The following KCNK2 variants were observed in gnomAD, a reference collection of about 807,000 sequenced individuals.
The protein encoded by KCNK2 is potassium two pore domain channel subfamily K member 2, also known as potassium channel subfamily K member 2.
In KCNK2, 21 loss-of-function variants were observed where a neutral mutation model predicts 40.5. The observed-to-expected ratio is 0.52, with a 90% CI of 0.37 to 0.75. KCNK2 has a LOEUF of 0.75. Ranked by LOEUF, KCNK2 falls within the 30% of genes least tolerant of loss-of-function variation. The pLI is 0.00. For missense variants in KCNK2, 399 were observed against 531.6 expected (o/e 0.75, Z 2.45); for synonymous variants, 191 against 202.2 (o/e 0.94, Z 0.47).
intron 2 of KCNK2, among the ~76,000 whole-genome samples, chr1:215,110,602 T>C (rs1660640047): frequency 6.6e-6 from 1 of 152,156 alleles, no homozygotes. Context: ...ATCACATGGT[T>C]TCGACATTTA....
intron 1 of KCNK2, among the ~76,000 whole-genome samples, chr1:215,053,712 A>T (rs957173010): frequency 1.3e-5 from 2 of 152,194 alleles, no homozygotes; most frequent in Non-Finnish European, 2.9e-5. Context: ...GATATTCTTG[A>T]ACTCAGTACA....
intron 1 of KCNK2, among the ~76,000 whole-genome samples, chr1:215,006,657 C>G (rs947805464): frequency 6.6e-6 from 1 of 151,982 alleles, no homozygotes; most frequent in Non-Finnish European, 1.5e-5. Flanking sequence ...TTAAATGTAG[C>G]AAAGTCCATC....
chr1:215,204,022 A>G (rs1489515509), intron 6 of KCNK2, among the ~76,000 whole-genome samples: 2 of 114,618 alleles, frequency 1.7e-5, no homozygotes, highest in Admixed American at 2.7e-4. Flanking sequence ...TGGGCGATAG[A>G]GCGAGACTCC....
intron 2 of KCNK2, among the ~76,000 whole-genome samples, chr1:215,117,974 G>A (rs1661022324): frequency 6.6e-6 from 1 of 152,028 alleles, no homozygotes; most frequent in South Asian, 2.1e-4. Context: ...TTGTGTAAAT[G>A]ATGTCCATAA....
At chr1:215,063,833 T>C (rs971895805) in intron 1 of KCNK2, among the ~76,000 whole-genome samples, 1 of 151,944 alleles carries the variant, frequency 6.6e-6, no homozygotes, top group Non-Finnish European at 1.5e-5. Flanking sequence ...GGGTGCCAAA[T>C]GGAAATGGAG....
intron 1 of KCNK2, among the ~76,000 whole-genome samples, chr1:215,076,172 T>C (rs1432908376): frequency 6.6e-6 from 1 of 152,242 alleles, no homozygotes; most frequent in African/African-American, 2.4e-5. Context: ...AATGAATAAA[T>C]TTTGGCCTTT....
At chr1:215,153,567 TA>T (rs1180680585) in intron 3 of KCNK2, among the ~76,000 whole-genome samples, 7 of 16,712 alleles carry the variant, frequency 4.2e-4, no homozygotes, top group African/African-American at 1.2e-3. Flanking sequence ...AGCGTTGTTA[TA>T]TATATATATA....
At chr1:215,079,577 G>A (rs1034573019), upstream of KCNK2, among the ~76,000 whole-genome samples, 8 of 152,174 alleles carry the variant, frequency 5.3e-5, no homozygotes, top group African/African-American at 1.7e-4. Context: ...CAAGGGGAAC[G>A]TCTGGCCCCA....
At chr1:215,192,057 G>A (rs1294721948) in intron 5 of KCNK2, among the ~76,000 whole-genome samples, 2 of 152,024 alleles carry the variant, frequency 1.3e-5, no homozygotes, top group African/African-American at 4.8e-5. Context: ...AAGTCAAGAA[G>A]TTTTTTAAAA....
intron 1 of KCNK2, among the ~76,000 whole-genome samples, chr1:215,047,171 A>G (rs1464864966): frequency 6.6e-6 from 1 of 152,128 alleles, no homozygotes; most frequent in Non-Finnish European, 1.5e-5. Flanking sequence ...GAAAAGATTT[A>G]ACACAGAAAA....
chr1:215,011,839 C>T (rs994359367), intron 1 of KCNK2, among the ~76,000 whole-genome samples: 20 of 141,336 alleles, frequency 1.4e-4, no homozygotes, highest in Non-Finnish European at 2.9e-4. Flanking sequence ...ATCTCCTGAC[C>T]TCGTGATCCA....
intron 2 of KCNK2, among the ~76,000 whole-genome samples, chr1:215,095,353 G>A (rs1017748163): frequency 1.3e-5 from 2 of 152,044 alleles, no homozygotes; most frequent in Admixed American, 1.3e-4. Context: ...CACATGTCTA[G>A]CAATAATAGA....
intron 1 of KCNK2, among the ~76,000 whole-genome samples, chr1:215,027,067 A>G (rs1056686327): frequency 1.3e-5 from 2 of 152,078 alleles, no homozygotes; most frequent in African/African-American, 4.8e-5. Flanking sequence ...CTAGGAAGGA[A>G]AAATTTATTA....
rs865810514 is a variant in KCNK2, at chr1:215,094,047, C to T, written c.357+7369C>T. 2.7e-5 allele frequency among the ~76,000 whole-genome samples: 4 copies of T among 146,246 alleles called. No individual in the cohort carries two copies. The Middle Eastern group carries it at 0.01, about 384-fold the overall frequency. ...GGCCAAAACTGCAATTACTTTTGCA[C>T]CAACCTAATACAATGATTTGGTGGC... On this transcript the variant is annotated intron_variant, in intron 2 of 6. Coordinates refer to ENST00000444842, the MANE Select transcript of KCNK2 (RefSeq NM_001017425.3).
In KCNK2 at chr1:215,172,202, C is replaced by T. The variant is rs765258602; in HGVS notation, c.823+19C>T. Reference sequence around the variant, plus strand: ...GTTGCAGGTAAGCTTTTCCTGGCATCCATGTTACTCTTCTAACAGGGGTTT... The same window carrying T: ...GTTGCAGGTAAGCTTTTCCTGGCATTCATGTTACTCTTCTAACAGGGGTTT... On this transcript the variant is annotated intron_variant, in intron 5 of 6. Transcript: ENST00000444842. 3.1e-6 allele frequency: 5 copies of T among 1,596,924 alleles called. No individual in the cohort carries two copies. Among genetic ancestry groups the T allele is most frequent in the Middle Eastern group, 3.3e-4 (2 of 5,982 alleles).
chr1:215,230,504 G>GGT (rs1666595168), intron 6 of KCNK2, among the ~76,000 whole-genome samples: 1 of 44,556 alleles, frequency 2.2e-5, no homozygotes, highest in Non-Finnish European at 3.9e-5. Flanking sequence ...CACACACACG[G>GGT]CTGTATATAT....
intron 5 of KCNK2, among the ~76,000 whole-genome samples, chr1:215,185,625 T>C (rs941300694): frequency 6.6e-6 from 1 of 152,214 alleles, no homozygotes; most frequent in Non-Finnish European, 1.5e-5. Context: ...ATTTACTGTT[T>C]AGAACTTTCC....
At chr1:215,142,629 C>G (rs1190584622) in intron 3 of KCNK2, among the ~76,000 whole-genome samples, 1 of 152,020 alleles carries the variant, frequency 6.6e-6, no homozygotes. Context: ...GTTGGAGCCT[C>G]AAATGTTCTT....
intron 1 of KCNK2, among the ~76,000 whole-genome samples, chr1:215,011,562 G>T (rs1005379784): frequency 6.6e-6 from 1 of 152,108 alleles, no homozygotes; most frequent in Non-Finnish European, 1.5e-5. Context: ...AGAGTGCTGG[G>T]ATTACAGGCG....
Sources: gnomAD v4.1 joint callset for allele counts (sites outside exome capture counted in the v4.1 genomes callset) on GRCh38, gnomAD v4.1.1 for gene constraint, MANE v1.5 for transcripts, NCBI Gene and HGNC (gene_info 2026-07-23, HGNC 2026-07-21) for gene names.